TMEM244: variants seen among roughly 807,000 people sequenced by gnomAD.
TMEM244 encodes the protein putative transmembrane protein 244.
A neutral mutation model predicts 15.8 loss-of-function variants in TMEM244; 13 were observed. That is an observed-to-expected ratio of 0.82 (90% CI 0.53 to 1.30). TMEM244 has a LOEUF of 1.30. Ranked by LOEUF, TMEM244 falls within the 50% of genes most tolerant of loss-of-function variation. The probability of loss-of-function intolerance (pLI) is 0.00; values close to 1 mark genes in which losing one functional copy is unlikely to be tolerated. For synonymous variants in TMEM244, 45 were observed against 48.7 expected, an observed-to-expected ratio of 0.92 and a Z score of 0.32; for missense variants, 161 against 144.9, an observed-to-expected ratio of 1.11 and a Z score of -0.57.
chr6:129,861,022 T>G (rs997811297), intron 1 of TMEM244, 134 bp downstream of exon 1: 1 of 879,036 alleles, frequency 1.1e-6, no homozygotes, highest in Non-Finnish European at 1.8e-6. Flanking sequence ...TGCAGCAGAA[T>G]GTTTTCTGTA....
At chr6:129,858,201 T>C (rs1776746326) in intron 1 of TMEM244, among the ~76,000 whole-genome samples, 1 of 152,210 alleles carries the variant, frequency 6.6e-6, no homozygotes, top group Non-Finnish European at 1.5e-5. Context: ...TATATTTATA[T>C]GGTTTAGGTG....
At chr6:129,835,355 G>A (rs1479270779) in intron 3 of TMEM244, among the ~76,000 whole-genome samples, 1 of 149,294 alleles carries the variant, frequency 6.7e-6, no homozygotes, top group Non-Finnish European at 1.5e-5. Context: ...CTATGATCAT[G>A]CCACTGCACT....
chr6:129,833,920 T>C (rs1168313313), intron 3 of TMEM244, among the ~76,000 whole-genome samples: 2 of 152,200 alleles, frequency 1.3e-5, no homozygotes, highest in African/African-American at 4.8e-5. Flanking sequence ...TTTTAAGATA[T>C]ATTAAAAACT....
At chr6:129,859,579 A>T (rs943523551) in intron 1 of TMEM244, among the ~76,000 whole-genome samples, 4 of 152,248 alleles carry the variant, frequency 2.6e-5, no homozygotes, top group Non-Finnish European at 4.4e-5. Context: ...TAGTTAGGAA[A>T]CATGCCGTCT....
chr6:129,833,726 C>G, intron 3 of TMEM244, 141 bp from the exon 4 acceptor site: 1 of 812,940 alleles, frequency 1.2e-6, no homozygotes, highest in Non-Finnish European at 1.9e-6. Context: ...TCCTAACAAT[C>G]CTCAAATTTG....
intron 2 of TMEM244, among the ~76,000 whole-genome samples, chr6:129,844,739 C>T (rs1311941366): frequency 1.3e-5 from 2 of 152,170 alleles, no homozygotes; most frequent in African/African-American, 4.8e-5. Flanking sequence ...GTCTCCAGTC[C>T]CAGGGAGGAG....
At chr6:129,834,799 G>A (rs1776380359) in intron 3 of TMEM244, among the ~76,000 whole-genome samples, 1 of 152,150 alleles carries the variant, frequency 6.6e-6, no homozygotes, top group African/African-American at 2.4e-5. Flanking sequence ...GTCCTGTTGT[G>A]TCATATTGAC....
chr6:129,846,000 A>G (rs1336446949), intron 1 of TMEM244, 148 bp from the exon 2 acceptor site: 5 of 574,556 alleles, frequency 8.7e-6, no homozygotes, highest in Non-Finnish European at 1.2e-5. Context: ...GAATGACTTC[A>G]AAGTGCCCAT....
intron 1 of TMEM244, among the ~76,000 whole-genome samples, chr6:129,846,375 G>A (rs544802934): frequency 6.6e-6 from 1 of 151,986 alleles, no homozygotes; most frequent in Non-Finnish European, 1.5e-5. Flanking sequence ...TAAGACATTT[G>A]GAACTATCTT....
chr6:129,838,608 C>A (rs921890966), intron 3 of TMEM244, among the ~76,000 whole-genome samples: 1 of 152,022 alleles, frequency 6.6e-6, no homozygotes, highest in Non-Finnish European at 1.5e-5. Flanking sequence ...GAGATGGAGA[C>A]ACAAAAACCC....
At chr6:129,843,044 T>C (rs6919255) in intron 3 of TMEM244, among the ~76,000 whole-genome samples, 115,096 of 151,768 alleles carry the variant, frequency 0.76, 44,613 homozygotes, top group Non-Finnish European at 0.82. Context: ...AAGTAGAGAA[T>C]GAAAGTTCTC....
chr6:129,851,356 C>G (rs919164666), intron 1 of TMEM244, among the ~76,000 whole-genome samples: 7 of 152,186 alleles, frequency 4.6e-5, no homozygotes, highest in Non-Finnish European at 5.9e-5. Flanking sequence ...GCAACCTCCA[C>G]CTCCCAGGCT....
chr6:129,841,664 A>T lies in TMEM244; in HGVS notation c.193+1866T>A, dbSNP rs552004132. On this transcript the variant is annotated intron_variant, in intron 3 of 4. Coordinates refer to ENST00000368143, the MANE Select transcript of TMEM244 (RefSeq NM_001010876.2). ...TAAATTGGAATATGGAGTATTATTTATCTCAAAAAAATTGTTGGGAGGATT... is the reference window on the plus strand; with the variant it reads ...TAAATTGGAATATGGAGTATTATTTTTCTCAAAAAAATTGTTGGGAGGATT... Among the ~76,000 whole-genome samples the T allele has an allele frequency of 2.2e-4, 34 of 152,318 alleles. No individual in the cohort carries two copies. In the East Asian group the frequency reaches 6.0e-3, roughly 27 times the overall value.
At chr6:129,855,043 G>T (rs1776686178) in intron 1 of TMEM244, among the ~76,000 whole-genome samples, 1 of 152,148 alleles carries the variant, frequency 6.6e-6, no homozygotes, top group African/African-American at 2.4e-5. Context: ...AGCTACTGGG[G>T]ATATAGGAAC....
At chr6:129,856,649 T>A (rs962991790) in intron 1 of TMEM244, among the ~76,000 whole-genome samples, 5 of 152,128 alleles carry the variant, frequency 3.3e-5, no homozygotes, top group Admixed American at 3.3e-4. Flanking sequence ...ATTAATTTAT[T>A]CCTCAATAAA....
chr6:129,847,205 C>A (rs113016353), intron 1 of TMEM244, among the ~76,000 whole-genome samples: 2,682 of 152,210 alleles, frequency 0.018, 24 homozygotes, highest in Non-Finnish European at 0.022. Context: ...AAATGTGCCA[C>A]ACTTCACTGT....
intron 1 of TMEM244, among the ~76,000 whole-genome samples, chr6:129,859,965 A>G (rs1220322832): frequency 6.6e-6 from 1 of 152,238 alleles, no homozygotes; most frequent in East Asian, 1.9e-4. Context: ...ATGAGAATTC[A>G]GATAGTCAAC....
intron 2 of TMEM244, among the ~76,000 whole-genome samples, chr6:129,844,592 C>T (rs1310666576): frequency 6.6e-6 from 1 of 152,180 alleles, no homozygotes; most frequent in Admixed American, 6.5e-5. Context: ...AACCAGTTAG[C>T]TGCCTCCTGA....
chr6:129,858,799 C>CTTT (rs5879980), intron 1 of TMEM244, among the ~76,000 whole-genome samples: 1 of 146,700 alleles, frequency 6.8e-6, no homozygotes, highest in African/African-American at 2.5e-5. Context: ...GAACCATAGT[C>CTTT]TTTTTTTTTT....
Sources: allele counts gnomAD v4.1 joint callset (sites outside exome capture counted in the v4.1 genomes callset), GRCh38; gene constraint gnomAD v4.1.1; transcripts MANE v1.5; gene names NCBI Gene and HGNC (gene_info 2026-07-23, HGNC 2026-07-21).